The following ZFAND6 variants were observed in gnomAD, a reference collection of about 807,000 sequenced individuals.
ZFAND6 encodes the protein zinc finger AN1-type containing 6.
A neutral mutation model predicts 24.5 loss-of-function variants in ZFAND6; 12 were observed. The observed-to-expected ratio is 0.49, with a 90% CI of 0.31 to 0.79. The LOEUF is 0.79. Ranked by LOEUF, ZFAND6 falls within the 30% of genes least tolerant of loss-of-function variation. The pLI is 0.04. For missense variants in ZFAND6, 207 were observed against 245.9 expected (o/e 0.84, Z 1.06); for synonymous variants, 92 against 81.5 (o/e 1.13, Z -0.69).
chr15:80,121,567 T>C, intron 3 of ZFAND6, 145 bp from the exon 4 acceptor site: 1 of 518,460 alleles, frequency 1.9e-6, no homozygotes, highest in Non-Finnish European at 3.1e-6. Flanking sequence ...TGAAAAATTT[T>C]TTAAAAATAA....
At chr15:80,112,975 A>T (rs2039685973) in intron 2 of ZFAND6, 9 of 398,418 alleles carry the variant, frequency 2.3e-5, no homozygotes, top group South Asian at 1.7e-4. Flanking sequence ...CTGAGCAGTT[A>T]GTTTTCCAGT....
chr15:80,121,320 C>T (rs2040136446), intron 3 of ZFAND6, among the ~76,000 whole-genome samples: 1 of 152,194 alleles, frequency 6.6e-6, no homozygotes, highest in African/African-American at 2.4e-5. Flanking sequence ...TCATCATCTA[C>T]ATTTATAACC....
intron 1 of ZFAND6, among the ~76,000 whole-genome samples, chr15:80,093,080 G>A (rs965242273): frequency 9.9e-5 from 15 of 151,492 alleles, no homozygotes; most frequent in African/African-American, 3.6e-4. Flanking sequence ...TCAGCCTCCC[G>A]AGTAGCTGGG....
At chr15:80,112,907 C>T (rs2039682043) in intron 2 of ZFAND6, 1 of 455,538 alleles carries the variant, frequency 2.2e-6, no homozygotes, top group African/African-American at 2.0e-5. Context: ...TACCACAAAT[C>T]CTATTTTGCA....
chr15:80,091,914 A>G (rs372877638), intron 1 of ZFAND6, among the ~76,000 whole-genome samples: 4 of 152,318 alleles, frequency 2.6e-5, no homozygotes, highest in East Asian at 1.9e-4. Context: ...TGCTGAGATT[A>G]CAAACATGAG....
At chr15:80,120,195 A>G (rs2040085323) in intron 2 of ZFAND6, 133 bp from the exon 3 acceptor site, 12 of 670,538 alleles carry the variant, frequency 1.8e-5, no homozygotes, top group East Asian at 3.3e-5. Context: ...TTTTAGCCCT[A>G]TGTCTTGGGA....
chr15:80,092,788 G>T (rs79366196), intron 1 of ZFAND6, among the ~76,000 whole-genome samples: 7,847 of 152,104 alleles, frequency 0.052, 229 homozygotes, highest in African/African-American at 0.059. Flanking sequence ...CTTAAAAATA[G>T]CTATTATTTT....
At chr15:80,066,106 C>G (rs2141790772) in intron 1 of ZFAND6, among the ~76,000 whole-genome samples, 1 of 152,250 alleles carries the variant, frequency 6.6e-6, no homozygotes, top group African/African-American at 2.4e-5. Context: ...AAGACAAGGT[C>G]TCTTGCCTTC....
At chr15:80,131,081 T>G in intron 5 of ZFAND6, 99 bp from the exon 6 acceptor site, 4 of 849,746 alleles carry the variant, frequency 4.7e-6, no homozygotes, top group Non-Finnish European at 7.0e-6. Flanking sequence ...GCTAATAAAT[T>G]CCTCAGTATC....
chr15:80,112,729 T>C, intron 2 of ZFAND6: 1 of 455,768 alleles, frequency 2.2e-6, no homozygotes, highest in Non-Finnish European at 4.4e-6. Flanking sequence ...AAAAGGTTAC[T>C]GCTGCTCCTT....
At position 80,122,748 on chromosome 15, in the gene ZFAND6, A is replaced by T; in HGVS notation, c.312A>T (p.Gln104His). ...TATCAGAATCTGTAGCATCTTCTCAATTGGACAGTACATCTGTGGACAAAG... is the reference window on the plus strand; with the variant it reads ...TATCAGAATCTGTAGCATCTTCTCATTTGGACAGTACATCTGTGGACAAAG... ...SLLSESVASS[Q>H]LDSTSVDKAV... Residue 104 changes from glutamine (Q) to histidine (H), a missense_variant, in exon 5 of 7, where the codon CAA (glutamine) becomes CAT (histidine). Around this residue, in one of 3 missense-constraint regions of ZFAND6, gnomAD observed 133 missense variants for 122.8 expected, o/e 1.08. Transcript: ENST00000261749. 2 of 1,613,720 alleles carry T rather than the reference A, an allele frequency of 1.2e-6. No homozygotes were observed. The highest frequency in any genetic ancestry group is 1.7e-6 in the Non-Finnish European group (2 of 1,179,816).
At chr15:80,077,697 C>CTCTT (rs1555428231) in intron 1 of ZFAND6, among the ~76,000 whole-genome samples, 2 of 115,308 alleles carry the variant, frequency 1.7e-5, no homozygotes, top group Admixed American at 1.0e-4. Context: ...AGTTTTCTTT[C>CTCTT]TTTTTTTTTT....
At chr15:80,090,764 A>G (rs1217628265) in intron 1 of ZFAND6, among the ~76,000 whole-genome samples, 1 of 152,254 alleles carries the variant, frequency 6.6e-6, no homozygotes, top group Non-Finnish European at 1.5e-5. Context: ...GCTAATGTAT[A>G]TAAAAAGACA....
Position 80,081,346 on chromosome 15 carries a change from A to G in ZFAND6, c.-180-17070A>G, listed in dbSNP as rs10519277. Among the ~76,000 whole-genome samples, 3,126 of 152,294 alleles carry G rather than the reference A, an allele frequency of 0.021. 229 individuals carry two copies. The East Asian group carries it at 0.22, about 11-fold the overall frequency. On this transcript the variant is annotated intron_variant, in intron 1 of 6. Coordinates refer to ENST00000261749, the MANE Select transcript of ZFAND6 (RefSeq NM_019006.4). The stretch of plus-strand genomic sequence containing the variant: ...GAGGAAACTCACATACTGTTTGATA[A>G]AAGTAGGGGATATGAGTATTTCCTA...
chr15:80,067,976 TC>T (rs1422893264), intron 1 of ZFAND6, among the ~76,000 whole-genome samples: 2 of 152,158 alleles, frequency 1.3e-5, no homozygotes, highest in East Asian at 3.8e-4. Context: ...AATTTTTTTT[TC>T]TTGAGACGGA....
intron 1 of ZFAND6, among the ~76,000 whole-genome samples, chr15:80,077,837 C>T (rs12914303): frequency 0.081 from 12,228 of 151,120 alleles, 555 homozygotes; most frequent in East Asian, 0.18. Flanking sequence ...GGAGCTGGGA[C>T]TACAGGTGTC....
intron 1 of ZFAND6, among the ~76,000 whole-genome samples, chr15:80,065,255 G>A (rs1596172240): frequency 6.7e-6 from 1 of 148,564 alleles, no homozygotes; most frequent in South Asian, 2.1e-4. Context: ...AAAAATTTTG[G>A]CCCCACTAAA....
chr15:80,079,174 T>G (rs1162568885), intron 1 of ZFAND6, among the ~76,000 whole-genome samples: 1 of 152,196 alleles, frequency 6.6e-6, no homozygotes, highest in Admixed American at 6.5e-5. Flanking sequence ...AGGTGCAGTT[T>G]GTGAGTATTT....
rs906787714 is a variant in ZFAND6, at chr15:80,137,814, G to C, written c.*186G>C. 2 of 540,726 alleles carry C rather than the reference G, an allele frequency of 3.7e-6. No homozygotes were observed. Among genetic ancestry groups the C allele is most frequent in the Non-Finnish European group, 6.0e-6 (2 of 335,372 alleles). The allele number at this position is 540,726 out of a possible 1,614,324, so 33.5% of individuals were successfully genotyped here. A position where few individuals can be genotyped will look rare whatever the true frequency, so the allele number is the denominator to read the frequency against. ...TATTTCCATTGCAATTTCTGTGGCT[G>C]AGGAGACTTAAACTTTACAAGTATT... is the stretch of plus-strand genomic sequence containing the variant. On this transcript the variant is annotated 3_prime_UTR_variant, in exon 7 of 7. Transcript: ENST00000261749.
Sources: allele counts gnomAD v4.1 joint callset (sites outside exome capture counted in the v4.1 genomes callset), GRCh38; gene constraint gnomAD v4.1.1; regional missense constraint gnomAD v4.1.1; transcripts MANE v1.5; gene names NCBI Gene and HGNC (gene_info 2026-07-23, HGNC 2026-07-21).